The following ADAMTS19 variants were observed in gnomAD, a reference collection of about 807,000 sequenced individuals.
The protein encoded by ADAMTS19 is ADAM metallopeptidase with thrombospondin type 1 motif 19, also known as A disintegrin and metalloproteinase with thrombospondin motifs 19.
Under a neutral mutation model 153.3 loss-of-function variants are expected in ADAMTS19, and 93 were observed. The ratio of observed to expected loss-of-function variants is 0.61; its 90% CI spans 0.51 to 0.72. The LOEUF is 0.72. ADAMTS19 is among the 30% of genes least tolerant of loss of function. ADAMTS19 has a pLI of 0.00. For synonymous variants in ADAMTS19, 600 were observed against 556.6 expected (o/e 1.08, Z -1.10); for missense variants, 1,482 against 1,552.1 (o/e 0.95, Z 0.76).
intron 10 of ADAMTS19, among the ~76,000 whole-genome samples, chr5:129,625,924 T>C (rs1256964846): frequency 6.6e-6 from 1 of 152,206 alleles, no homozygotes; most frequent in East Asian, 1.9e-4. Context: ...TGCCCATGCC[T>C]ATGTCCTGAA....
chr5:129,502,361 G>A (rs1195780046), intron 2 of ADAMTS19, among the ~76,000 whole-genome samples: 2 of 152,114 alleles, frequency 1.3e-5, no homozygotes, highest in African/African-American at 2.4e-5. Flanking sequence ...ATAGCGTGAT[G>A]TGTCAAAACC....
intron 2 of ADAMTS19, chr5:129,500,699 T>C (rs1751071766): frequency 6.6e-6 from 1 of 152,182 alleles, no homozygotes; most frequent in Non-Finnish European, 1.5e-5. Context: ...CCCAGCTGGA[T>C]AAATGGTGCA....
At chr5:129,623,906 G>A (rs995418372) in intron 10 of ADAMTS19, among the ~76,000 whole-genome samples, 23 of 151,768 alleles carry the variant, frequency 1.5e-4, no homozygotes, top group African/African-American at 5.3e-4. Context: ...GGATCACGAG[G>A]TCAGGAGATC....
Position 129,654,375 on chromosome 5 carries a change from T to C in ADAMTS19, c.2246T>C (p.Met749Thr). The C allele has an allele frequency of 1.9e-6, 3 of 1,613,254 alleles. No homozygotes were observed. The highest frequency in any genetic ancestry group is 1.7e-6 in the Non-Finnish European group (2 of 1,179,722). ...CCTATTCTTCTATCAGAAAAAGTGA[T>C]GGATGGAACTTCTTGTGGCTATCAG... ...EQPILLSEKV[M>T]DGTSCGYQGL... is the part of the protein sequence containing the mutation. Residue 749 changes from methionine to threonine, a missense_variant, in exon 14 of 23, where the codon ATG becomes ACG. Coordinates refer to ENST00000274487, the MANE Select transcript of ADAMTS19 (RefSeq NM_133638.6).
At chr5:129,468,958 G>C (rs1749969718) in intron 2 of ADAMTS19, among the ~76,000 whole-genome samples, 1 of 151,870 alleles carries the variant, frequency 6.6e-6, no homozygotes, top group Admixed American at 6.6e-5. Flanking sequence ...TGTGTTTTTA[G>C]TAGAGGTGGG....
intron 7 of ADAMTS19, among the ~76,000 whole-genome samples, chr5:129,556,165 A>G (rs1283361256): frequency 6.6e-6 from 1 of 152,150 alleles, no homozygotes; most frequent in Non-Finnish European, 1.5e-5. Context: ...ATGGTTTGGT[A>G]GGTCAGTAGG....
At chr5:129,561,345 A>G (rs1035941184) in intron 7 of ADAMTS19, among the ~76,000 whole-genome samples, 2 of 152,062 alleles carry the variant, frequency 1.3e-5, no homozygotes, top group African/African-American at 2.4e-5. Flanking sequence ...CTGGCTAACA[A>G]GGTGAAACCC....
chr5:129,545,745 G>A (rs906470017), intron 6 of ADAMTS19, among the ~76,000 whole-genome samples: 4 of 150,936 alleles, frequency 2.7e-5, no homozygotes, highest in Non-Finnish European at 5.9e-5. Context: ...AACAGGTGCT[G>A]GAGAGGATGT....
At chr5:129,617,746 A>G (rs558040396) in intron 8 of ADAMTS19, among the ~76,000 whole-genome samples, 11 of 152,150 alleles carry the variant, frequency 7.2e-5, no homozygotes, top group Middle Eastern at 3.4e-3. Context: ...ATTATGTCAT[A>G]TTTATAATTT....
intron 21 of ADAMTS19, among the ~76,000 whole-genome samples, chr5:129,705,118 T>A (rs1756082905): frequency 6.8e-6 from 1 of 146,598 alleles, no homozygotes; most frequent in African/African-American, 2.5e-5. Flanking sequence ...ATGAATCAAT[T>A]ATCCCACTTT....
At chr5:129,645,650 G>C (rs150325279) in intron 11 of ADAMTS19, among the ~76,000 whole-genome samples, 5 of 152,214 alleles carry the variant, frequency 3.3e-5, no homozygotes, top group African/African-American at 1.2e-4. Context: ...ATTTTAGTCT[G>C]TTATGAACTC....
In ADAMTS19 at chr5:129,461,830, T is replaced by C. The variant is rs1428808204; in HGVS notation, c.747+73T>C. ...TCCTTGCCCATAGGTCAGGATGATT[T>C]GCATGCACCTTCTCCCCTTTCAGTG... is the stretch of plus-strand genomic sequence containing the variant. On this transcript the variant is annotated intron_variant, in intron 2 of 22. Coordinates refer to ENST00000274487, the MANE Select transcript of ADAMTS19 (RefSeq NM_133638.6). This position sits in a 1 kb window ranked among gnomAD's most constrained non-coding sequence, Gnocchi z 4.6. The C allele has an allele frequency of 1.4e-6, 2 of 1,447,468 alleles. No individual in the cohort carries two copies. The highest frequency in any genetic ancestry group is 5.4e-5 in the Admixed American group (2 of 37,028). The allele number at this position is 1,447,468 out of a possible 1,614,324, so 89.7% of individuals were successfully genotyped here.
chr5:129,655,301 C>G (rs999026170), intron 14 of ADAMTS19, among the ~76,000 whole-genome samples: 2 of 152,134 alleles, frequency 1.3e-5, no homozygotes, highest in Non-Finnish European at 2.9e-5. Context: ...TTACTCTCAA[C>G]ATCTACTATT....
intron 3 of ADAMTS19, among the ~76,000 whole-genome samples, chr5:129,512,173 AAAGAG>A (rs1199747035): frequency 6.6e-6 from 1 of 152,048 alleles, no homozygotes. Context: ...CTCAGTAGGA[AAAGAG>A]AAGAGATTTA....
intron 7 of ADAMTS19, among the ~76,000 whole-genome samples, chr5:129,571,403 G>A (rs923951593): frequency 2.6e-5 from 4 of 151,728 alleles, no homozygotes; most frequent in African/African-American, 9.6e-5. Flanking sequence ...GTTTCTGTGT[G>A]AGTATATGTG....
In ADAMTS19 at chr5:129,737,111, T is replaced by G; in HGVS notation, c.3535T>G (p.Cys1179Gly). Residue 1179 changes from cysteine (C) to glycine (G), a missense_variant, in exon 23 of 23, where the codon TGC becomes GGC. By Grantham distance (159) the Cys-to-Gly change is radical. Coordinates refer to ENST00000274487, the MANE Select transcript of ADAMTS19 (RefSeq NM_133638.6). ...CCTGGGAGATCAGTGGCCAGTGTACTGCCGAGTGATACGTGAAAAGAACCT... is the reference window on the plus strand; with the variant it reads ...CCTGGGAGATCAGTGGCCAGTGTACGGCCGAGTGATACGTGAAAAGAACCT... ...KCLGDQWPVY[C>G]RVIREKNLCQ... is the part of the protein sequence containing the mutation. 1.2e-6 allele frequency: 2 copies of G among 1,610,570 alleles called. No homozygotes were observed. The highest frequency in any genetic ancestry group is 1.7e-6 in the Non-Finnish European group (2 of 1,177,692).
chr5:129,624,279 A>T (rs925492576), intron 10 of ADAMTS19, among the ~76,000 whole-genome samples: 1 of 152,054 alleles, frequency 6.6e-6, no homozygotes, highest in Non-Finnish European at 1.5e-5. Context: ...GACAATTATG[A>T]CATTGGTTCT....
intron 21 of ADAMTS19, among the ~76,000 whole-genome samples, chr5:129,733,850 C>T (rs1020997978): frequency 6.6e-6 from 1 of 151,780 alleles, no homozygotes; most frequent in Non-Finnish European, 1.5e-5. Flanking sequence ...AAAGACACCT[C>T]CACTCATGTT....
intron 13 of ADAMTS19, among the ~76,000 whole-genome samples, chr5:129,651,961 G>A (rs1176214114): frequency 6.6e-6 from 1 of 151,264 alleles, no homozygotes; most frequent in African/African-American, 2.4e-5. Context: ...AGTTAATAAT[G>A]TCAAGTTTAT....
Sources: gnomAD v4.1 joint callset for allele counts (sites outside exome capture counted in the v4.1 genomes callset) on GRCh38, gnomAD v4.1.1 for gene constraint, Gnocchi (gnomAD v3.1) non-coding constraint, MANE v1.5 for transcripts, NCBI Gene and HGNC (gene_info 2026-07-23, HGNC 2026-07-21) for gene names.